The following ATRNL1 variants were observed in gnomAD, a reference collection of about 807,000 sequenced individuals.
The protein encoded by ATRNL1 is attractin like 1.
Under a neutral mutation model 182.7 loss-of-function variants are expected in ATRNL1, and 95 were observed. The observed-to-expected ratio is 0.52, with a 90% CI of 0.44 to 0.62. The LOEUF (loss-of-function observed/expected upper bound fraction) is 0.62, where lower values mean the gene tolerates loss of function less well. Among genes scored for constraint, ATRNL1 ranks in the 20% least tolerant of loss-of-function variants. The probability of loss-of-function intolerance (pLI) is 0.00; values close to 1 mark genes in which losing one functional copy is unlikely to be tolerated. For missense variants in ATRNL1, 1,471 were observed against 1,679.5 expected, an observed-to-expected ratio of 0.88 and a Z score of 2.17; for synonymous variants, 576 against 568.3, an observed-to-expected ratio of 1.01 and a Z score of -0.19.
At chr10:115,665,008 T>C (rs1256216733) in intron 26 of ATRNL1, among the ~76,000 whole-genome samples, 2 of 152,156 alleles carry the variant, frequency 1.3e-5, no homozygotes, top group Non-Finnish European at 1.5e-5. Flanking sequence ...ACAGGAACAT[T>C]ATCCCAGAAA....
chr10:115,469,693 T>C (rs1164123586), intron 24 of ATRNL1, among the ~76,000 whole-genome samples: 1 of 150,744 alleles, frequency 6.6e-6, no homozygotes, highest in Non-Finnish European at 1.5e-5. Context: ...ATTTTTACTT[T>C]AGCACATTCT....
chr10:115,522,576 C>T (rs1025809583), intron 25 of ATRNL1, among the ~76,000 whole-genome samples: 2 of 152,122 alleles, frequency 1.3e-5, no homozygotes, highest in African/African-American at 2.4e-5. Flanking sequence ...AGCATTCTAT[C>T]CCTGGCCCCT....
intron 26 of ATRNL1, chr10:115,597,651 C>A: frequency 2.3e-6 from 1 of 440,332 alleles, no homozygotes; most frequent in Non-Finnish European, 4.5e-6. Flanking sequence ...CAGCTCACTG[C>A]AACCTCCGCA....
At chr10:115,143,510 A>G (rs1290350585) in intron 5 of ATRNL1, among the ~76,000 whole-genome samples, 1 of 152,090 alleles carries the variant, frequency 6.6e-6, no homozygotes, top group Non-Finnish European at 1.5e-5. Flanking sequence ...CTGCTATAAC[A>G]AAATACCACA....
At position 115,344,649 on chromosome 10, in the gene ATRNL1, G is replaced by A. The variant is rs555901723; in HGVS notation, c.3175+10230G>A. 3.3e-5 allele frequency among the ~76,000 whole-genome samples: 5 copies of A among 152,284 alleles called. 1 individual carries two copies. The South Asian group carries it at 1.0e-3, about 32-fold the overall frequency. On this transcript the variant is annotated intron_variant, in intron 19 of 28. Transcript: ENST00000355044. ...ACCTGTGACTGTGTTAGTTCCTAAG[G>A]TACAAGGCAAAGTACCATTTACTTT...
chr10:115,407,200 A>G (rs1441121338), intron 20 of ATRNL1, among the ~76,000 whole-genome samples: 1 of 152,162 alleles, frequency 6.6e-6, no homozygotes, highest in African/African-American at 2.4e-5. Flanking sequence ...AGATAGGGCA[A>G]TCAGCATTTA....
intron 19 of ATRNL1, among the ~76,000 whole-genome samples, chr10:115,378,909 A>T (rs998297786): frequency 1.3e-5 from 2 of 152,208 alleles, no homozygotes; most frequent in Non-Finnish European, 2.9e-5. Flanking sequence ...TTACAAGTAT[A>T]TGACAGTTGA....
chr10:115,114,896 A>G (rs1334969784), intron 1 of ATRNL1, among the ~76,000 whole-genome samples: 1 of 152,148 alleles, frequency 6.6e-6, no homozygotes, highest in Non-Finnish European at 1.5e-5. Context: ...ATCCAAAGGA[A>G]TTGGAATCAG....
Position 115,928,311 on chromosome 10 carries a change from T to C in ATRNL1, c.4019-16347T>C, listed in dbSNP as rs112491270. 4.8e-3 allele frequency among the ~76,000 whole-genome samples: 731 copies of C among 152,182 alleles called. 3 individuals are homozygous for C. The highest frequency in any genetic ancestry group is 0.013 in the African/African-American group (554 of 41,554). ...ATGCAAATTAAAGCTGTGCAAACTATTGTGGTAAAACTTAGCAGTCCTTTT... is the reference window on the plus strand; with the variant it reads ...ATGCAAATTAAAGCTGTGCAAACTACTGTGGTAAAACTTAGCAGTCCTTTT... On this transcript the variant is annotated intron_variant, in intron 28 of 28. Coordinates refer to ENST00000355044, the MANE Select transcript of ATRNL1 (RefSeq NM_207303.4).
intron 24 of ATRNL1, among the ~76,000 whole-genome samples, chr10:115,506,586 A>C (rs1167335303): frequency 6.6e-6 from 1 of 152,082 alleles, no homozygotes; most frequent in Non-Finnish European, 1.5e-5. Flanking sequence ...AACTCCATAA[A>C]GGAGTTATCT....
At chr10:115,822,469 C>CA (rs1198750535) in intron 27 of ATRNL1, among the ~76,000 whole-genome samples, 2 of 151,862 alleles carry the variant, frequency 1.3e-5, no homozygotes, top group East Asian at 1.9e-4. Flanking sequence ...AAAAACCCTT[C>CA]AAAAAAATCA....
At chr10:115,871,673 A>G (rs1160240766) in intron 28 of ATRNL1, among the ~76,000 whole-genome samples, 4 of 152,020 alleles carry the variant, frequency 2.6e-5, no homozygotes, top group African/African-American at 7.2e-5. Context: ...ACTCTGGGCT[A>G]TCATGGATAA....
At chr10:115,911,774 GGGAAGAGCACAA>G (rs1389449965) in intron 28 of ATRNL1, among the ~76,000 whole-genome samples, 1 of 152,122 alleles carries the variant, frequency 6.6e-6, no homozygotes, top group African/African-American at 2.4e-5. Flanking sequence ...CAGCTGCCAT[GGGAAGAGCACAA>G]GGAAGAGCAC....
intron 21 of ATRNL1, among the ~76,000 whole-genome samples, chr10:115,437,198 C>T (rs1332787893): frequency 1.3e-5 from 2 of 151,828 alleles, no homozygotes; most frequent in African/African-American, 4.8e-5. Context: ...AAAAGAAAAC[C>T]AATACTGAAA....
intron 22 of ATRNL1, among the ~76,000 whole-genome samples, chr10:115,465,205 A>G (rs1554970540): frequency 6.6e-6 from 1 of 151,638 alleles, no homozygotes; most frequent in Non-Finnish European, 1.5e-5. Flanking sequence ...CATGAAAATG[A>G]TTTACTGTAT....
At chr10:115,250,643 C>T (rs544711269) in intron 10 of ATRNL1, among the ~76,000 whole-genome samples, 7 of 152,042 alleles carry the variant, frequency 4.6e-5, no homozygotes, top group African/African-American at 1.7e-4. Flanking sequence ...AGATGGTTTG[C>T]TTTCTTCTTT....
At chr10:115,570,161 G>T (rs1441482238) in intron 26 of ATRNL1, among the ~76,000 whole-genome samples, 1 of 152,054 alleles carries the variant, frequency 6.6e-6, no homozygotes, top group Non-Finnish European at 1.5e-5. Context: ...ATGGGGTTTT[G>T]CCATGTTGGC....
chr10:115,460,405 G>GA (rs1283062738), intron 21 of ATRNL1, among the ~76,000 whole-genome samples: 1 of 150,912 alleles, frequency 6.6e-6, no homozygotes, highest in African/African-American at 2.4e-5. Context: ...TTGGTCTTAG[G>GA]AAAAAATTAA....
chr10:115,869,970 T>C (rs1951540120), intron 28 of ATRNL1, among the ~76,000 whole-genome samples: 1 of 38,046 alleles, frequency 2.6e-5, no homozygotes, highest in Admixed American at 4.1e-4. Flanking sequence ...AGACCTTTTT[T>C]TTTTTTTTTT....
Sources: gnomAD v4.1 joint callset for allele counts (sites outside exome capture counted in the v4.1 genomes callset) on GRCh38, gnomAD v4.1.1 for gene constraint, MANE v1.5 for transcripts, NCBI Gene and HGNC (gene_info 2026-07-23, HGNC 2026-07-21) for gene names.